Variants in PLA2G4B observed in about 807,000 individuals in gnomAD.
PLA2G4B encodes the protein cytosolic phospholipase A2 beta.
A neutral mutation model predicts 95.8 loss-of-function variants in PLA2G4B; 122 were observed. That is an observed-to-expected ratio of 1.27 (90% confidence interval 1.10 to 1.48). The LOEUF (loss-of-function observed/expected upper bound fraction) is 1.48. PLA2G4B is among the 40% of genes most tolerant of loss of function. The pLI is 0.00. For synonymous variants in PLA2G4B, 518 were observed against 421.5 expected (o/e 1.23, Z -2.80); for missense variants, 1,158 against 996.2 (o/e 1.16, Z -2.19).
chr15:41,840,715 G>A, intron 3 of PLA2G4B, 55 bp downstream of exon 3: 11 of 1,606,682 alleles, frequency 6.8e-6, no homozygotes, highest in Non-Finnish European at 9.4e-6. Context: ...CACTGCCGCT[G>A]CCCTGCTCAC....
chr15:41,847,842 G>A lies in PLA2G4B; in HGVS notation c.2328G>A (p.Arg776=). 1.9e-6 allele frequency: 3 copies of A among 1,612,790 alleles called. No homozygotes were observed. The highest frequency in any genetic ancestry group is 2.5e-6 in the Non-Finnish European group (3 of 1,179,912). ...EALRQAVQRR[R]QRRPH is the part of the protein sequence containing the mutation. ...TGCGCCAGGCAGTGCAGCGGAGGCG[G>A]CAGCGCAGGCCCCACTGATGGCCGG... The change falls in exon 20 of 20, where the codon CGG becomes CGA. Residue 776 remains arginine, a synonymous_variant. Coordinates refer to ENST00000458483, the MANE Select transcript of PLA2G4B (RefSeq NM_001114633.2).
At chr15:41,842,334 C>T in intron 9 of PLA2G4B, 58 bp downstream of exon 9, 1 of 1,604,180 alleles carries the variant, frequency 6.2e-7, no homozygotes, top group Non-Finnish European at 8.5e-7. Flanking sequence ...ACCCAGGCCA[C>T]AAAGGGAGGG....
chr15:41,842,285 C>T lies in PLA2G4B; in HGVS notation c.705+9C>T. Reference sequence around the variant, plus strand: ...TCTTCCCCACGTCCCAGGTACTGGCCTCCCAGGGAAGGAAGCAAGGCGCCT... The same window carrying T: ...TCTTCCCCACGTCCCAGGTACTGGCTTCCCAGGGAAGGAAGCAAGGCGCCT... On this transcript the variant is annotated intron_variant, in intron 9 of 19. Transcript: ENST00000458483. The T allele has an allele frequency of 6.2e-7, 1 of 1,613,840 alleles. No homozygotes were observed.
Position 41,847,880 on chromosome 15 carries a change from C to T in PLA2G4B, c.*20C>T. ...CACTGATGGCCGGGGCCCCTGCCAC[C>T]CCTAACTCTCATTCATTCCCTGGCT... is the stretch of plus-strand genomic sequence containing the variant. On this transcript the variant is annotated 3_prime_UTR_variant, in exon 20 of 20. Coordinates refer to ENST00000458483, the MANE Select transcript of PLA2G4B (RefSeq NM_001114633.2). 6.2e-7 allele frequency: 1 copy of T among 1,600,790 alleles called. No homozygotes were observed. Among genetic ancestry groups the T allele is most frequent in the South Asian group, 1.1e-5 (1 of 90,318 alleles).
intron 15 of PLA2G4B, 46 bp downstream of exon 15, chr15:41,845,821 A>G (rs1215945482): frequency 1.9e-6 from 3 of 1,557,064 alleles, no homozygotes; most frequent in African/African-American, 2.7e-5. Flanking sequence ...AGCAGGGAAA[A>G]TGGGTCCTGG....
chr15:41,840,505 CA>C lies in PLA2G4B; in HGVS notation c.83-18del, dbSNP rs2065407575. ...GGAAGGGCTCTTGTCCACCGCTGGG[CA>C]CTTGTTCCTTCCCGCAGTGACCCCC... On this transcript the variant is annotated intron_variant, in intron 2 of 19. Coordinates refer to ENST00000458483, the MANE Select transcript of PLA2G4B (RefSeq NM_001114633.2). 1 of 1,613,280 alleles carries C rather than the reference CA, an allele frequency of 6.2e-7. No individual in the cohort carries two copies.
At position 41,841,276 on chromosome 15, in the gene PLA2G4B, G is replaced by A; in HGVS notation, c.435+3G>A. 2 of 1,612,566 alleles carry A rather than the reference G, an allele frequency of 1.2e-6. No homozygotes were observed. Among genetic ancestry groups the A allele is most frequent in the Non-Finnish European group, 1.7e-6 (2 of 1,179,972 alleles). ...TCGTCAGCAATGGCGTTCTGGTGGT[G>A]AGTGTGCCAGTGCTCTGGGAGGCGG... On this transcript the variant is annotated splice_donor_region_variant and intron_variant, in intron 6 of 19. Coordinates refer to ENST00000458483, the MANE Select transcript of PLA2G4B (RefSeq NM_001114633.2).
intron 12 of PLA2G4B, 45 bp from the exon 13 acceptor site, chr15:41,844,803 G>A (rs1221920224): frequency 6.4e-7 from 1 of 1,563,744 alleles, no homozygotes; most frequent in Non-Finnish European, 8.7e-7. Context: ...TCTAGACGGG[G>A]TCCTTCAGTG....
chr15:41,845,691 A>C lies in PLA2G4B; in HGVS notation c.1411A>C (p.Ile471Leu). The C allele has an allele frequency of 6.2e-7, 1 of 1,614,022 alleles. No homozygotes were observed. The change falls in exon 15 of 20, where the codon ATC (isoleucine) becomes CTC (leucine). Residue 471 changes from isoleucine to leucine, a missense_variant. By Grantham distance (5) the Ile-to-Leu change is conservative. Transcript: ENST00000458483. ...CGGCTTCCCCAAGTACGGGGCCTTC[A>C]TCCCCTCTGAGCTCTTTGGCTCCGA... is the stretch of plus-strand genomic sequence containing the variant. ...EVGFPKYGAF[I>L]PSELFGSEFF...
chr15:41,846,104 CA>C, intron 16 of PLA2G4B, 57 bp downstream of exon 16: 1 of 1,572,936 alleles, frequency 6.4e-7, no homozygotes, highest in Non-Finnish European at 8.7e-7. Context: ...GGGGCTGCAC[CA>C]GGGGGCGGGG....
At chr15:41,838,957 A>G in intron 1 of PLA2G4B, 35 bp downstream of exon 1, 1 of 1,547,448 alleles carries the variant, frequency 6.5e-7, no homozygotes, top group Non-Finnish European at 8.8e-7. Flanking sequence ...CCCTACTGGG[A>G]CCCCTGGTCT....
rs1467994659 is a variant in PLA2G4B, at chr15:41,846,801, T to TGTCA, written c.1914_1917dup (p.Leu640ValfsTer161). On this transcript the variant is annotated frameshift_variant, in exon 18 of 20. Transcript: ENST00000458483. LOFTEE classifies it high-confidence loss of function. ...CCCACTCGGGACGTGGACCTCATCCTGTCATTGGACTACAACCTCCACGGA... is the reference window on the plus strand; with the variant it reads ...CCCACTCGGGACGTGGACCTCATCCTGTCAGTCATTGGACTACAACCTCCACGGA... 2.6e-5 allele frequency: 42 copies of TGTCA among 1,613,586 alleles called. No individual in the cohort carries two copies. Among genetic ancestry groups the TGTCA allele is most frequent in the Non-Finnish European group, 3.5e-5 (41 of 1,179,780 alleles).
chr15:41,845,278 C>G lies in PLA2G4B; in HGVS notation c.1315C>G (p.Leu439Val), dbSNP rs1278432705. Residue 439 changes from leucine (L) to valine (V), a missense_variant, in exon 14 of 20, where the codon CTC (leucine) becomes GTC (valine). Coordinates refer to ENST00000458483, the MANE Select transcript of PLA2G4B (RefSeq NM_001114633.2). ...GAACCCTCTGCCCATCTACTGTGCC[C>G]TCAACACCAAAGGGCAGAGCCTGAC... The part of the protein sequence containing the change: ...GQNPLPIYCA[L>V]NTKGQSLTTF... 1 of 1,614,064 alleles carries G rather than the reference C, an allele frequency of 6.2e-7. No homozygotes were observed. Among genetic ancestry groups the G allele is most frequent in the African/African-American group, 1.3e-5 (1 of 74,938 alleles).
In PLA2G4B at chr15:41,845,521, C is replaced by T. The variant is rs2065522783; in HGVS notation, c.1358-117C>T. 6 of 1,516,804 alleles carry T rather than the reference C, an allele frequency of 4.0e-6. No individual in the cohort carries two copies. In the East Asian group the frequency reaches 9.1e-5, roughly 23 times the overall value. The allele number at this position is 1,516,804 out of a possible 1,614,324, so 94.0% of individuals were successfully genotyped here. A position where few individuals can be genotyped will look rare whatever the true frequency, so the allele number is the denominator to read the frequency against. Reference sequence around the variant, plus strand: ...TTAGGTCCTATGCACGAAGCCCAGGCCACAAGGCCTGGGCCTCCTGGTCCT... The same window carrying T: ...TTAGGTCCTATGCACGAAGCCCAGGTCACAAGGCCTGGGCCTCCTGGTCCT... On this transcript the variant is annotated intron_variant, in intron 14 of 19. Transcript: ENST00000458483.
rs1428243329 is a variant in PLA2G4B at position 41,842,761 on chromosome 15, G to T, written c.743+170G>T. The T allele has an allele frequency of 3.8e-6, 4 of 1,060,272 alleles. No homozygotes were observed. The African/African-American group carries it at 6.5e-5, about 17-fold the overall frequency. The allele number at this position is 1,060,272 out of a possible 1,614,324, so 65.7% of individuals were successfully genotyped here. A position where few individuals can be genotyped will look rare whatever the true frequency, so the allele number is the denominator to read the frequency against. On this transcript the variant is annotated intron_variant, in intron 10 of 19. Transcript: ENST00000458483. ...GCACGAAGTACTGGGAGGAGTACTG[G>T]GAGGAGTCTTAGCACCTATGGTCAG...
intron 11 of PLA2G4B, 63 bp downstream of exon 11, chr15:41,843,874 A>C: frequency 6.3e-7 from 1 of 1,581,488 alleles, no homozygotes; most frequent in East Asian, 2.3e-5. Context: ...CTGGTGCTGA[A>C]CACTGGAGCT....
At chr15:41,844,745 G>A in intron 12 of PLA2G4B, 103 bp from the exon 13 acceptor site, 1 of 1,543,176 alleles carries the variant, frequency 6.5e-7, no homozygotes. Flanking sequence ...GGGACCCTGG[G>A]AAGGTCCCTG....
intron 1 of PLA2G4B, chr15:41,839,905 T>C (rs1210772225): frequency 1.9e-6 from 1 of 516,830 alleles, no homozygotes; most frequent in African/African-American, 1.9e-5. Context: ...GTGCATAAGG[T>C]GGTTGTGCGA....
chr15:41,842,095 C>T, intron 8 of PLA2G4B, 98 bp from the exon 9 acceptor site: 1 of 1,580,410 alleles, frequency 6.3e-7, no homozygotes, highest in Non-Finnish European at 8.6e-7. Flanking sequence ...CTTCCCGTCC[C>T]TCCCATAACT....
Sources: allele counts gnomAD v4.1 joint callset, GRCh38; gene constraint gnomAD v4.1.1; transcripts MANE v1.5; gene names NCBI Gene and HGNC (gene_info 2026-07-23, HGNC 2026-07-21).